ANKRD17: variants seen among roughly 807,000 people sequenced by gnomAD.
The protein encoded by ANKRD17 is ankyrin repeat domain 17.
A neutral mutation model predicts 229.7 loss-of-function variants in ANKRD17; 19 were observed. The observed-to-expected ratio is 0.08, with a 90% confidence interval of 0.06 to 0.12. ANKRD17 has a LOEUF of 0.12. Ranked by LOEUF, ANKRD17 falls within the 10% of genes least tolerant of loss-of-function variation. The probability of loss-of-function intolerance (pLI) is 1.00; values close to 1 mark genes in which losing one functional copy is unlikely to be tolerated. For missense variants in ANKRD17, 2,176 were observed against 3,176.8 expected (o/e 0.68, Z 7.57); for synonymous variants, 1,112 against 1,146.1 (o/e 0.97, Z 0.60).
intron 1 of ANKRD17, among the ~76,000 whole-genome samples, chr4:73,221,385 A>C (rs2149208623): frequency 6.6e-6 from 1 of 152,292 alleles, no homozygotes; most frequent in Admixed American, 6.5e-5. Flanking sequence ...AGCACAAAAC[A>C]GTGCTCAAGT....
intron 1 of ANKRD17, among the ~76,000 whole-genome samples, chr4:73,237,277 T>C (rs972167594): frequency 1.3e-5 from 2 of 152,186 alleles, no homozygotes; most frequent in African/African-American, 2.4e-5. Context: ...TGCTCATGCA[T>C]AGAAGACAAA....
At position 73,146,866 on chromosome 4, in the gene ANKRD17, G is replaced by C. The variant is rs1454831423; in HGVS notation, c.1767C>G (p.Asn589Lys). Residue 589 changes from asparagine to lysine, a missense_variant, in exon 10 of 34, where the codon AAC (asparagine) becomes AAG (lysine). Around this residue, in one of 18 missense-constraint regions of ANKRD17, gnomAD observed 275 missense variants for 386.9 expected, o/e 0.71. Coordinates refer to ENST00000358602, the MANE Select transcript of ANKRD17 (RefSeq NM_032217.5). Reference protein sequence around the residue: ...LVKYLLAAGANVHATTATGDT... With the variant: ...LVKYLLAAGAKVHATTATGDT... ...CCCCTGTTGCTGTTGTTGCATGAAC[G>C]TTAGCTCCTGTAGTAGTCAACAAAT... 6.2e-7 allele frequency: 1 copy of C among 1,610,460 alleles called. No individual in the cohort carries two copies. Among genetic ancestry groups the C allele is most frequent in the South Asian group, 1.1e-5 (1 of 90,648 alleles).
rs1728742916 is a variant in ANKRD17 at position 73,135,244 on chromosome 4, G to C, written c.3107C>G (p.Ala1036Gly). The C allele has an allele frequency of 6.2e-7, 1 of 1,612,922 alleles. No homozygotes were observed. Among genetic ancestry groups the C allele is most frequent in the Admixed American group, 1.7e-5 (1 of 59,904 alleles). Reference sequence around the variant, plus strand: ...ACTGTGGGTAGGAGTGTTTGACATTGCAGATGCTCTTCCACTGACTGCTGT... The same window carrying C: ...ACTGTGGGTAGGAGTGTTTGACATTCCAGATGCTCTTCCACTGACTGCTGT... The part of the protein sequence containing the change: ...IMAAVSGRAS[A>G]MSNTPTHSIA... Residue 1036 changes from alanine (A) to glycine (G), a missense_variant, in exon 16 of 34, where the codon GCA (alanine) becomes GGA (glycine). Physicochemically the swap from Ala to Gly is moderately conservative, Grantham distance 60. Coordinates refer to ENST00000358602, the MANE Select transcript of ANKRD17 (RefSeq NM_032217.5).
Position 73,121,694 on chromosome 4 carries a change from A to G in ANKRD17, c.3558T>C (p.Pro1186=). 6.2e-7 allele frequency: 1 copy of G among 1,613,770 alleles called. No individual in the cohort carries two copies. Among genetic ancestry groups the G allele is most frequent in the Non-Finnish European group, 8.5e-7 (1 of 1,179,798 alleles). ...KEHRNVSDYT[P]LSLAASGGYV... is the part of the protein sequence containing the mutation. The stretch of plus-strand genomic sequence containing the variant: ...AGCCACCAGAAGCAGCCAGACTTAG[A>G]GGTGTGTAATCAGAAACATTCCTGT... Residue 1186 remains proline, a synonymous_variant, in exon 19 of 34, where the codon CCT becomes CCC. Coordinates refer to ENST00000358602, the MANE Select transcript of ANKRD17 (RefSeq NM_032217.5).
At chr4:73,192,518 C>G (rs1228110631) in intron 1 of ANKRD17, among the ~76,000 whole-genome samples, 2 of 151,874 alleles carry the variant, frequency 1.3e-5, no homozygotes, top group Non-Finnish European at 2.9e-5. Flanking sequence ...GAGAATTGTA[C>G]CTTTTTACTT....
At chr4:73,095,584 A>T (rs1234353407) in intron 27 of ANKRD17, among the ~76,000 whole-genome samples, 1 of 151,476 alleles carries the variant, frequency 6.6e-6, no homozygotes, top group Non-Finnish European at 1.5e-5. Flanking sequence ...CCTGGGCAAC[A>T]AGAGTAAAAC....
chr4:73,235,483 T>C (rs1389605398), intron 1 of ANKRD17, among the ~76,000 whole-genome samples: 3 of 152,242 alleles, frequency 2.0e-5, no homozygotes, highest in African/African-American at 4.8e-5. Flanking sequence ...CTTTTGTTCC[T>C]CTTAAGGGTA....
At chr4:73,081,404 T>C (rs1721549849) in intron 30 of ANKRD17, among the ~76,000 whole-genome samples, 1 of 152,184 alleles carries the variant, frequency 6.6e-6, no homozygotes, top group South Asian at 2.1e-4. Flanking sequence ...CCTGGACGGT[T>C]TGGAAAATGG....
At position 73,142,687 on chromosome 4, in the gene ANKRD17, C is replaced by T. The variant is rs1056968579; in HGVS notation, c.2038G>A (p.Val680Met). 6.2e-7 allele frequency: 1 copy of T among 1,614,046 alleles called. No homozygotes were observed. The highest frequency in any genetic ancestry group is 1.7e-5 in the Admixed American group (1 of 60,008). The part of the protein sequence containing the change: ...LACAGGHLAV[V>M]ELLLAHGADP... ...GCCCCATGAGCCAAAAGTAGTTCCA[C>T]CACTGCCAGATGACCCCCTGCACAA... Residue 680 changes from valine to methionine, a missense_variant, in exon 12 of 34, where the codon GTG becomes ATG. Physicochemically the swap from Val to Met is conservative, Grantham distance 21. Coordinates refer to ENST00000358602, the MANE Select transcript of ANKRD17 (RefSeq NM_032217.5).
chr4:73,240,811 T>A (rs1743954139), intron 1 of ANKRD17, among the ~76,000 whole-genome samples: 1 of 147,396 alleles, frequency 6.8e-6, no homozygotes, highest in Admixed American at 6.7e-5. Flanking sequence ...TTATTCTTTT[T>A]TTTTTTTTTT....
Position 73,139,963 on chromosome 4 carries a change from T to G in ANKRD17, c.2653A>C (p.Lys885Gln), listed in dbSNP as rs376508905. ...GCTTTAACCTCTAGATACTGCTTTT[T>G]TAGCTGCTGCTGAGTTTTCAGTTGT... ...ELQLKTQQQL[K>Q]KQYLEVKAQR... Residue 885 changes from lysine to glutamine, a missense_variant, in exon 15 of 34, where the codon AAA (lysine) becomes CAA (glutamine). Physicochemically the swap from Lys to Gln is moderately conservative, Grantham distance 53. Around this residue, in one of 18 missense-constraint regions of ANKRD17, gnomAD observed 230 missense variants for 252.3 expected, o/e 0.91. Transcript: ENST00000358602. 3.3e-5 allele frequency: 54 copies of G among 1,614,090 alleles called. No individual in the cohort carries two copies. Among genetic ancestry groups the G allele is most frequent in the Non-Finnish European group, 4.3e-5 (51 of 1,180,054 alleles).
chr4:73,189,403 G>GTTTTTTTTTTTTTTTTTTTTTTTTTT (rs763345325), intron 1 of ANKRD17, among the ~76,000 whole-genome samples: 1 of 112,700 alleles, frequency 8.9e-6, no homozygotes, highest in African/African-American at 3.5e-5. Context: ...TGCCTGGAAT[G>GTTTTTTTTTTTTTTTTTTTTTTTTTT]TTTTTTTTTT....
At chr4:73,196,388 C>T (rs1326366935) in intron 1 of ANKRD17, among the ~76,000 whole-genome samples, 2 of 152,130 alleles carry the variant, frequency 1.3e-5, no homozygotes, top group Admixed American at 6.5e-5. Context: ...CTTCTAGTTT[C>T]TTAAGTTGGA....
intron 7 of ANKRD17, 132 bp downstream of exon 7, chr4:73,151,298 T>C (rs996380728): frequency 1.2e-5 from 9 of 732,758 alleles, no homozygotes; most frequent in East Asian, 6.1e-5. Flanking sequence ...TAGAAGTTAA[T>C]GTTGTACAAC....
chr4:73,252,401 T>C (rs1337396790), intron 1 of ANKRD17, among the ~76,000 whole-genome samples: 2 of 152,192 alleles, frequency 1.3e-5, no homozygotes, highest in Non-Finnish European at 2.9e-5. Context: ...ATCATCTGCT[T>C]AGTTAGAAGC....
Position 73,146,876 on chromosome 4 carries a change from G to A in ANKRD17, c.1760-3C>T, listed in dbSNP as rs752849848. The A allele has an allele frequency of 1.9e-6, 3 of 1,605,240 alleles. No homozygotes were observed. The highest frequency in any genetic ancestry group is 2.6e-6 in the Non-Finnish European group (3 of 1,173,476). On this transcript the variant is annotated splice_polypyrimidine_tract_variant and splice_region_variant and intron_variant, in intron 9 of 33. Coordinates refer to ENST00000358602, the MANE Select transcript of ANKRD17 (RefSeq NM_032217.5). Reference sequence around the variant, plus strand: ...TGTTGTTGCATGAACGTTAGCTCCTGTAGTAGTCAACAAATAATACATAGA... The same window carrying A: ...TGTTGTTGCATGAACGTTAGCTCCTATAGTAGTCAACAAATAATACATAGA...
At position 73,077,044 on chromosome 4, in the gene ANKRD17, C is replaced by T. The variant is rs753893803; in HGVS notation, c.7648G>A (p.Gly2550Ser). 2.5e-5 allele frequency: 40 copies of T among 1,613,288 alleles called. No individual in the cohort carries two copies. In the South Asian group the frequency reaches 4.1e-4, roughly 16 times the overall value. Residue 2550 changes from glycine (G) to serine (S), a missense_variant, in exon 33 of 34, where the codon GGT becomes AGT. Physicochemically the swap from Gly to Ser is moderately conservative, Grantham distance 56 (BLOSUM62 0). Around this residue, in one of 18 missense-constraint regions of ANKRD17, gnomAD observed 159 missense variants for 214.3 expected, o/e 0.74. Coordinates refer to ENST00000358602, the MANE Select transcript of ANKRD17 (RefSeq NM_032217.5). ...MIPPVAPIPD[G>S]AGGPIFNGPH... ...CCATTAAATATGGGTCCTCCAGCACCATCAGGGATAGGTGCTACTGGAGGA... is the reference window on the plus strand; with the variant it reads ...CCATTAAATATGGGTCCTCCAGCACTATCAGGGATAGGTGCTACTGGAGGA...
At chr4:73,161,116 G>C in intron 3 of ANKRD17, 76 bp downstream of exon 3, 2 of 1,529,772 alleles carry the variant, frequency 1.3e-6, no homozygotes, top group Non-Finnish European at 1.8e-6. Flanking sequence ...CAAAATAAAT[G>C]CTCAGTAAAT....
At chr4:73,100,570 A>G (rs776256528) in intron 25 of ANKRD17, among the ~76,000 whole-genome samples, 3 of 152,078 alleles carry the variant, frequency 2.0e-5, no homozygotes, top group Non-Finnish European at 4.4e-5. Context: ...TGTAATTATT[A>G]AATTTCTTAA....
Sources: allele counts gnomAD v4.1 joint callset (sites outside exome capture counted in the v4.1 genomes callset), GRCh38; gene constraint gnomAD v4.1.1; regional missense constraint gnomAD v4.1.1; transcripts MANE v1.5; gene names NCBI Gene and HGNC (gene_info 2026-07-23, HGNC 2026-07-21).